Variants in CACNA2D1 observed in about 807,000 individuals in gnomAD.
CACNA2D1 encodes voltage-dependent calcium channel subunit alpha-2/delta-1.
CACNA2D1 carries 53 observed loss-of-function variants against 171.5 expected under a neutral mutation model. The ratio of observed to expected loss-of-function variants is 0.31; its 90% CI spans 0.25 to 0.39. The LOEUF (loss-of-function observed/expected upper bound fraction) is 0.39, where lower values mean the gene tolerates loss of function less well. CACNA2D1 is among the 10% of genes least tolerant of loss of function. The probability of loss-of-function intolerance (pLI) is 1.00; values close to 1 mark genes in which losing one functional copy is unlikely to be tolerated. For missense variants in CACNA2D1, 903 were observed against 1,299.8 expected, an observed-to-expected ratio of 0.69 and a Z score of 4.69; for synonymous variants, 442 against 443.1, an observed-to-expected ratio of 1.00 and a Z score of 0.03.
At chr7:82,038,023 T>G in intron 11 of CACNA2D1, 54 bp downstream of exon 11, 3 of 1,551,778 alleles carry the variant, frequency 1.9e-6, no homozygotes, top group Non-Finnish European at 2.7e-6. Context: ...ATATTGAAAT[T>G]CAGATACTAC....
intron 3 of CACNA2D1, among the ~76,000 whole-genome samples, chr7:82,327,266 T>C (rs2129442709): frequency 6.6e-6 from 1 of 152,352 alleles, no homozygotes; most frequent in Admixed American, 6.5e-5. Context: ...CCACATTTCT[T>C]ATCCCCCTTG....
At chr7:82,200,425 C>A (rs560464209) in intron 3 of CACNA2D1, among the ~76,000 whole-genome samples, 2 of 151,716 alleles carry the variant, frequency 1.3e-5, no homozygotes, top group East Asian at 1.9e-4. Flanking sequence ...TTCAGTAATA[C>A]GCATATATTT....
In CACNA2D1 at chr7:81,947,443, A is replaced by C. The variant is rs529774812; in HGVS notation, c.*2949T>G. Reference sequence around the variant, plus strand: ...AAAATCTCTTCAATCAAACTTGCTAACTATGTCATGTTAAAAACCTGTTAC... The same window carrying C: ...AAAATCTCTTCAATCAAACTTGCTACCTATGTCATGTTAAAAACCTGTTAC... On this transcript the variant is annotated 3_prime_UTR_variant, in exon 39 of 39. Coordinates refer to ENST00000356860, the MANE Select transcript of CACNA2D1 (RefSeq NM_000722.4). 6.6e-6 allele frequency: 1 copy of C among 152,052 alleles called. No individual in the cohort carries two copies. Among genetic ancestry groups the C allele is most frequent in the South Asian group, 2.1e-4 (1 of 4,820 alleles). The allele number at this position is 152,052 out of a possible 1,614,324, so 9.4% of individuals were successfully genotyped here. A position where few individuals can be genotyped will look rare whatever the true frequency, so the allele number is the denominator to read the frequency against.
At chr7:81,968,765 C>A (rs1794965165) in intron 29 of CACNA2D1, 122 bp downstream of exon 29, 2 of 681,450 alleles carry the variant, frequency 2.9e-6, no homozygotes, top group South Asian at 1.6e-5. Context: ...TTTAAGTGTG[C>A]ATGCCTTTAT....
rs757313687 is a variant in CACNA2D1 at position 82,170,586 on chromosome 7, T to C, written c.318A>G (p.Lys106=). Residue 106 remains lysine, a synonymous_variant, in exon 4 of 39, where the codon AAA becomes AAG. Coordinates refer to ENST00000356860, the MANE Select transcript of CACNA2D1 (RefSeq NM_000722.4). ...CTCTCCACTGGTGAGCTGCTTGAAC[T>C]TTCTCCGCTTCCAATGCCAGGCGCT... is the stretch of plus-strand genomic sequence containing the variant. ...ALVRLALEAE[K]VQAAHQWRED... is the part of the protein sequence containing the mutation. The C allele has an allele frequency of 3.8e-5, 61 of 1,612,598 alleles. No individual in the cohort carries two copies. Among genetic ancestry groups the C allele is most frequent in the Admixed American group, 6.7e-5 (4 of 59,870 alleles).
Position 82,066,488 on chromosome 7 carries a change from T to C in CACNA2D1, c.695A>G (p.Lys232Arg). ...TCTGCGTACATCATAAAGGTCAATCTTATTTGGAGTTCTACTATTATCAAC... is the reference window on the plus strand; with the variant it reads ...TCTGCGTACATCATAAAGGTCAATCCTATTTGGAGTTCTACTATTATCAAC... The part of the protein sequence containing the change: ...PWVDNSRTPN[K>R]IDLYDVRRRP... Residue 232 changes from lysine (K) to arginine (R), a missense_variant, in exon 8 of 39, where the codon AAG becomes AGG. Physicochemically the swap from Lys to Arg is conservative, Grantham distance 26. Coordinates refer to ENST00000356860, the MANE Select transcript of CACNA2D1 (RefSeq NM_000722.4). The C allele has an allele frequency of 6.2e-7, 1 of 1,609,336 alleles. No individual in the cohort carries two copies. Among genetic ancestry groups the C allele is most frequent in the South Asian group, 1.1e-5 (1 of 90,130 alleles).
chr7:82,257,050 G>A (rs1366379912), intron 3 of CACNA2D1, among the ~76,000 whole-genome samples: 1 of 152,134 alleles, frequency 6.6e-6, no homozygotes, highest in Non-Finnish European at 1.5e-5. Context: ...ATTTGGAAGT[G>A]GTTTGTTTTG....
intron 3 of CACNA2D1, among the ~76,000 whole-genome samples, chr7:82,174,397 TTGGA>T (rs1390476346): frequency 1.3e-5 from 2 of 152,108 alleles, no homozygotes; most frequent in African/African-American, 4.8e-5. Flanking sequence ...TGAAAATCCT[TTGGA>T]TATCAAATAA....
chr7:82,158,531 A>C (rs1794605856), intron 4 of CACNA2D1, among the ~76,000 whole-genome samples: 1 of 151,970 alleles, frequency 6.6e-6, no homozygotes, highest in African/African-American at 2.4e-5. Flanking sequence ...ATGTTTGTTT[A>C]GCTCACATGG....
intron 10 of CACNA2D1, among the ~76,000 whole-genome samples, chr7:82,053,863 G>C (rs1805505838): frequency 1.3e-5 from 2 of 152,114 alleles, no homozygotes; most frequent in African/African-American, 4.8e-5. Flanking sequence ...AATATATTCT[G>C]TTTTCCCATA....
chr7:82,095,015 G>A (rs531925427), intron 6 of CACNA2D1, among the ~76,000 whole-genome samples: 2 of 152,158 alleles, frequency 1.3e-5, no homozygotes, highest in Admixed American at 6.5e-5. Flanking sequence ...CATAAAAGCT[G>A]GTCTTTTATG....
At chr7:82,224,021 T>A (rs145224689) in intron 3 of CACNA2D1, among the ~76,000 whole-genome samples, 2 of 152,256 alleles carry the variant, frequency 1.3e-5, no homozygotes, top group East Asian at 3.9e-4. Flanking sequence ...ATCCCTTGCC[T>A]GGAACGTGCT....
intron 1 of CACNA2D1, among the ~76,000 whole-genome samples, chr7:82,399,051 AAC>A (rs1826054706): frequency 6.6e-6 from 1 of 152,114 alleles, no homozygotes; most frequent in Non-Finnish European, 1.5e-5. Context: ...AAAGTAGATC[AAC>A]ACACTCACCA....
intron 1 of CACNA2D1, among the ~76,000 whole-genome samples, chr7:82,419,090 A>G (rs538218684): frequency 1.3e-5 from 2 of 151,536 alleles, no homozygotes; most frequent in South Asian, 4.2e-4. Context: ...AACCAGGGTG[A>G]CAGAGCAAGA....
At chr7:82,258,182 TA>T (rs1217447674) in intron 3 of CACNA2D1, among the ~76,000 whole-genome samples, 6 of 152,146 alleles carry the variant, frequency 3.9e-5, no homozygotes, top group Admixed American at 1.3e-4. Context: ...CTCTTACGCC[TA>T]AAGTAAATCA....
At chr7:82,029,051 T>C (rs1802311506) in intron 12 of CACNA2D1, 1 of 151,770 alleles carries the variant, frequency 6.6e-6, no homozygotes, top group African/African-American at 2.4e-5. Flanking sequence ...GAGAAATCTT[T>C]TGTGAAAGGA....
chr7:82,268,352 T>C (rs1808186421), intron 3 of CACNA2D1, among the ~76,000 whole-genome samples: 1 of 152,156 alleles, frequency 6.6e-6, no homozygotes, highest in Non-Finnish European at 1.5e-5. Context: ...GCATAATATA[T>C]CACAGATATG....
chr7:82,237,268 C>T (rs1176241852), intron 3 of CACNA2D1, among the ~76,000 whole-genome samples: 1 of 151,406 alleles, frequency 6.6e-6, no homozygotes, highest in Admixed American at 6.6e-5. Context: ...TTCCCCCTGA[C>T]ATTTTCAATT....
At chr7:82,414,870 T>G in intron 1 of CACNA2D1, among the ~76,000 whole-genome samples, 1 of 152,226 alleles carries the variant, frequency 6.6e-6, no homozygotes, top group East Asian at 1.9e-4. Flanking sequence ...TCATTCATAC[T>G]TATAATCACA....
Sources: gnomAD v4.1 joint callset for allele counts (sites outside exome capture counted in the v4.1 genomes callset) on GRCh38, gnomAD v4.1.1 for gene constraint, MANE v1.5 for transcripts, NCBI Gene and HGNC (gene_info 2026-07-23, HGNC 2026-07-21) for gene names.